GAS7: variants seen among roughly 807,000 people sequenced by gnomAD.
GAS7 encodes the protein growth arrest specific 7.
In GAS7, 28 loss-of-function variants were observed where a neutral mutation model predicts 71.1. The observed-to-expected ratio is 0.39, with a 90% confidence interval of 0.29 to 0.54. GAS7 has a LOEUF of 0.54. GAS7 is among the 20% of genes least tolerant of loss of function. The pLI, the probability that GAS7 is intolerant of heterozygous loss-of-function variation, is 0.62. For missense variants in GAS7, 436 were observed against 627.8 expected (o/e 0.69, Z 3.27); for synonymous variants, 258 against 245.8 (o/e 1.05, Z -0.46).
intron 1 of GAS7, among the ~76,000 whole-genome samples, chr17:10,045,136 A>G (rs1193336314): frequency 1.3e-5 from 2 of 152,166 alleles, no homozygotes; most frequent in Non-Finnish European, 2.9e-5. Flanking sequence ...GGAAAGAGAA[A>G]TATGGAAGAG....
chr17:10,058,725 T>C (rs115752770), intron 1 of GAS7, among the ~76,000 whole-genome samples: 2 of 152,298 alleles, frequency 1.3e-5, no homozygotes, highest in African/African-American at 4.8e-5. Flanking sequence ...CACACCCCTA[T>C]CACAGTCCTC....
chr17:10,154,952 ACAC>A (rs2074194076), intron 1 of GAS7, among the ~76,000 whole-genome samples: 1 of 136,174 alleles, frequency 7.3e-6, no homozygotes, highest in Non-Finnish European at 1.6e-5. Flanking sequence ...ACACACACAC[ACAC>A]AAAACCCATG....
chr17:10,040,542 C>T (rs182716317), intron 1 of GAS7, among the ~76,000 whole-genome samples: 1 of 152,210 alleles, frequency 6.6e-6, no homozygotes, highest in East Asian at 1.9e-4. Flanking sequence ...GAGGGAGAAA[C>T]TAGAGGGAGG....
At chr17:10,038,799 A>C (rs1487168843) in intron 1 of GAS7, among the ~76,000 whole-genome samples, 1 of 150,928 alleles carries the variant, frequency 6.6e-6, no homozygotes, top group African/African-American at 2.4e-5. Flanking sequence ...TCCTGGGTTC[A>C]AGCGATTCTC....
intron 1 of GAS7, among the ~76,000 whole-genome samples, chr17:10,069,321 C>T (rs984528771): frequency 2.6e-5 from 4 of 152,206 alleles, no homozygotes; most frequent in African/African-American, 9.6e-5. Flanking sequence ...ACTAAATCCT[C>T]AACAGGTGAC....
chr17:9,946,898 A>T lies in GAS7; in HGVS notation c.611T>A (p.Phe204Tyr). ...GGAAACTGAGGCGCTGCTTACCCAG[A>T]AGTAGTCGCAGTAGCTCCACTCGGT... ...KPTEWSYCDY[F>Y]WADKKDPQGN... is the part of the protein sequence containing the mutation. The change falls in exon 6 of 14, where the codon TTC becomes TAC. Residue 204 changes from phenylalanine (F) to tyrosine (Y), a missense_variant. Phe to Tyr is a conservative substitution (Grantham distance 22). Transcript: ENST00000432992. 6.2e-7 allele frequency: 1 copy of T among 1,607,652 alleles called. No homozygotes were observed. The highest frequency in any genetic ancestry group is 8.5e-7 in the Non-Finnish European group (1 of 1,174,286).
intron 1 of GAS7, among the ~76,000 whole-genome samples, chr17:10,193,260 CAAAAAAAA>C (rs57261260): frequency 8.8e-6 from 1 of 113,446 alleles, no homozygotes; most frequent in African/African-American, 3.4e-5. Flanking sequence ...CCTCTAGAGT[CAAAAAAAA>C]AAAAAAAAAA....
intron 9 of GAS7, among the ~76,000 whole-genome samples, chr17:9,930,845 C>T (rs115249564): frequency 1.6e-3 from 243 of 152,312 alleles, no homozygotes; most frequent in African/African-American, 5.7e-3. Flanking sequence ...CTGCGATGAC[C>T]GCTTGAGGCC....
At chr17:10,017,346 G>C (rs72807387) in intron 2 of GAS7, among the ~76,000 whole-genome samples, 37,547 of 147,468 alleles carry the variant, frequency 0.25, 5,123 homozygotes, top group African/African-American at 0.34. Context: ...TTTTCCTTGA[G>C]ACAGACGGAG....
chr17:9,948,126 C>T (rs1002173424), intron 5 of GAS7, among the ~76,000 whole-genome samples: 36 of 152,212 alleles, frequency 2.4e-4, no homozygotes, highest in African/African-American at 7.7e-4. Flanking sequence ...CAACAAGAGG[C>T]TATTAGTAGT....
At chr17:10,143,767 T>C (rs1373615369) in intron 1 of GAS7, among the ~76,000 whole-genome samples, 4 of 152,212 alleles carry the variant, frequency 2.6e-5, no homozygotes, top group Admixed American at 6.5e-5. Flanking sequence ...CTCAGACTTG[T>C]AGTCTCTAGA....
chr17:9,959,045 G>T lies in GAS7; in HGVS notation c.525+157C>A. 1 of 1,333,754 alleles carries T rather than the reference G, an allele frequency of 7.5e-7. No homozygotes were observed. The highest frequency in any genetic ancestry group is 9.9e-7 in the Non-Finnish European group (1 of 1,005,176). 82.6% of individuals were successfully genotyped at this position (1,333,754 alleles called of 1,614,324 possible). On this transcript the variant is annotated intron_variant, in intron 5 of 13. Coordinates refer to ENST00000432992, the MANE Select transcript of GAS7 (RefSeq NM_201433.2). This position sits in a 1 kb window ranked among gnomAD's most constrained non-coding sequence, Gnocchi z 5.0. ...GGAGAAGGGGAGGTGGGAGGGGCAT[G>T]TGGATGGGGAACTTGAGTGAAATCC...
intron 12 of GAS7, among the ~76,000 whole-genome samples, chr17:9,918,828 C>A (rs1332881671): frequency 6.6e-6 from 1 of 152,044 alleles, no homozygotes; most frequent in Non-Finnish European, 1.5e-5. Context: ...TAGGTCACTG[C>A]CCAGGTGATT....
chr17:10,050,536 T>A (rs1042608008), intron 1 of GAS7, among the ~76,000 whole-genome samples: 1 of 152,054 alleles, frequency 6.6e-6, no homozygotes, highest in Non-Finnish European at 1.5e-5. Context: ...ACTAGAGGGC[T>A]AGCACATGGT....
At chr17:10,008,767 GCTCTCTCT>G (rs531212566) in intron 2 of GAS7, among the ~76,000 whole-genome samples, 1 of 149,194 alleles carries the variant, frequency 6.7e-6, no homozygotes, top group East Asian at 2.0e-4. Context: ...TTAGGCTGGC[GCTCTCTCT>G]CTCTCTCTCT....
chr17:9,914,111 C>A lies in GAS7; in HGVS notation c.*3117G>T, dbSNP rs568455649. ...AACCTTGATTTCAACCAGAAACGGGCCCCTGTTCATACGGATAGGGGTTCT... is the reference window on the plus strand; with the variant it reads ...AACCTTGATTTCAACCAGAAACGGGACCCTGTTCATACGGATAGGGGTTCT... On this transcript the variant is annotated 3_prime_UTR_variant, in exon 14 of 14. Transcript: ENST00000432992. 4.4e-6 allele frequency: 1 copy of A among 227,584 alleles called. No homozygotes were observed. The highest frequency in any genetic ancestry group is 8.7e-6 in the Non-Finnish European group (1 of 114,600). The allele number at this position is 227,584 out of a possible 1,614,324, so 14.1% of individuals were successfully genotyped here.
chr17:9,978,313 C>T (rs1042931257), intron 3 of GAS7, among the ~76,000 whole-genome samples: 2 of 149,950 alleles, frequency 1.3e-5, no homozygotes, highest in African/African-American at 4.9e-5. Context: ...TGAGGCCTGG[C>T]AAGGAGAAAC....
intron 7 of GAS7, among the ~76,000 whole-genome samples, chr17:9,941,833 C>T (rs758696517): frequency 2.0e-5 from 3 of 152,138 alleles, no homozygotes; most frequent in African/African-American, 7.2e-5. Flanking sequence ...TGAAAATAGG[C>T]CCTCTGTCTA....
chr17:10,007,484 C>T (rs999280715), intron 2 of GAS7, among the ~76,000 whole-genome samples: 12 of 151,758 alleles, frequency 7.9e-5, no homozygotes, highest in Admixed American at 3.9e-4. Flanking sequence ...ATTAGCCAGG[C>T]GTGGTGGTGG....
Sources: gnomAD v4.1 joint callset for allele counts (sites outside exome capture counted in the v4.1 genomes callset) on GRCh38, gnomAD v4.1.1 for gene constraint, Gnocchi (gnomAD v3.1) non-coding constraint, MANE v1.5 for transcripts, NCBI Gene and HGNC (gene_info 2026-07-23, HGNC 2026-07-21) for gene names.